The following SYN3 variants were observed in gnomAD, a reference collection of about 807,000 sequenced individuals.
SYN3 encodes the protein synapsin-3.
SYN3 carries 35 observed loss-of-function variants against 65.8 expected under a neutral mutation model. The ratio of observed to expected loss-of-function variants is 0.53; its 90% CI spans 0.41 to 0.70. SYN3 has a LOEUF of 0.70. Among genes scored for constraint, SYN3 ranks in the 30% least tolerant of loss-of-function variants. The pLI is 0.00. For missense variants in SYN3, 680 were observed against 749.0 expected, an observed-to-expected ratio of 0.91 and a Z score of 1.08; for synonymous variants, 270 against 292.9, an observed-to-expected ratio of 0.92 and a Z score of 0.80.
chr22:32,750,119 T>C (rs73407300), intron 6 of SYN3, among the ~76,000 whole-genome samples: 2,301 of 152,266 alleles, frequency 0.015, 66 homozygotes, highest in African/African-American at 0.049. Flanking sequence ...ATCGATGTGG[T>C]TGGAGACAGG....
chr22:32,884,035 A>G (rs1015257764), intron 4 of SYN3, among the ~76,000 whole-genome samples: 5 of 152,318 alleles, frequency 3.3e-5, no homozygotes, highest in African/African-American at 9.6e-5. Flanking sequence ...TCTAGCTGGG[A>G]CTTATTCTTT....
chr22:32,589,314 T>C (rs1855158282), intron 7 of SYN3, among the ~76,000 whole-genome samples: 1 of 152,226 alleles, frequency 6.6e-6, no homozygotes, highest in South Asian at 2.1e-4. Flanking sequence ...CATTGGTTAA[T>C]ACCACAGAAT....
intron 3 of SYN3, among the ~76,000 whole-genome samples, chr22:32,939,202 C>T (rs975186412): frequency 1.3e-5 from 2 of 151,970 alleles, no homozygotes; most frequent in African/African-American, 4.8e-5. Flanking sequence ...AGTTTATAAC[C>T]TGTAGAAGTA....
At chr22:32,954,547 C>G (rs777282168) in intron 3 of SYN3, among the ~76,000 whole-genome samples, 1 of 152,236 alleles carries the variant, frequency 6.6e-6, no homozygotes, top group Non-Finnish European at 1.5e-5. Context: ...CTGCCAAATG[C>G]TCTGCAAAGT....
At chr22:33,040,848 C>A (rs9609692) in intron 1 of SYN3, among the ~76,000 whole-genome samples, 27,574 of 152,016 alleles carry the variant, frequency 0.18, 2,823 homozygotes, top group East Asian at 0.41. Context: ...AAATTTCCTG[C>A]GGCCTCCCCA....
chr22:32,607,402 A>G (rs1442996319), intron 6 of SYN3, among the ~76,000 whole-genome samples: 1 of 152,020 alleles, frequency 6.6e-6, no homozygotes, highest in Admixed American at 6.6e-5. Context: ...ACCTCAGTCA[A>G]CGCTGCCACC....
chr22:32,814,210 CAAAG>C (rs1569245074), intron 6 of SYN3, among the ~76,000 whole-genome samples: 18 of 52,380 alleles, frequency 3.4e-4, no homozygotes, highest in East Asian at 2.0e-3. Context: ...AGAAAGAAAA[CAAAG>C]AAAGGAAAGA....
intron 3 of SYN3, among the ~76,000 whole-genome samples, chr22:32,945,520 C>T (rs545008051): frequency 2.0e-5 from 3 of 152,328 alleles, no homozygotes; most frequent in African/African-American, 4.8e-5. Context: ...CCCTTCCTTA[C>T]ACCTCATACA....
At chr22:32,590,142 T>C in intron 7 of SYN3, among the ~76,000 whole-genome samples, 1 of 152,236 alleles carries the variant, frequency 6.6e-6, no homozygotes, top group East Asian at 1.9e-4. Flanking sequence ...TCTCCATGAC[T>C]ATCCCTTCCG....
chr22:32,589,748 GT>G (rs1345513643), intron 7 of SYN3, among the ~76,000 whole-genome samples: 2 of 152,104 alleles, frequency 1.3e-5, no homozygotes, highest in Non-Finnish European at 2.9e-5. Context: ...AATCCTCCAT[GT>G]TTCTGAAGAT....
intron 3 of SYN3, among the ~76,000 whole-genome samples, chr22:32,940,675 T>C (rs1023501913): frequency 2.6e-4 from 39 of 152,242 alleles, no homozygotes; most frequent in African/African-American, 9.2e-4. Flanking sequence ...AGTCACTTCA[T>C]AGGTGGCAGT....
intron 6 of SYN3, among the ~76,000 whole-genome samples, chr22:32,718,265 C>T (rs1262354623): frequency 6.6e-6 from 1 of 152,088 alleles, no homozygotes; most frequent in Non-Finnish European, 1.5e-5. Context: ...TGCTGCCTTG[C>T]CCTCTCCATC....
intron 6 of SYN3, among the ~76,000 whole-genome samples, chr22:32,778,236 G>A (rs1326635633): frequency 6.6e-6 from 1 of 152,140 alleles, no homozygotes; most frequent in East Asian, 1.9e-4. Context: ...TGGGAGACAA[G>A]GCTATTCTCA....
intron 6 of SYN3, among the ~76,000 whole-genome samples, chr22:32,644,073 CA>C (rs1175308291): frequency 0.066 from 256 of 3,892 alleles, 1 homozygote; most frequent in Admixed American, 0.11. Context: ...GACTCTGCCT[CA>C]AAAAAAAAAA....
chr22:32,688,150 G>T (rs958000358), intron 6 of SYN3, among the ~76,000 whole-genome samples: 1 of 152,148 alleles, frequency 6.6e-6, no homozygotes, highest in Non-Finnish European at 1.5e-5. Context: ...CTATATACAT[G>T]TATCAACTCT....
intron 6 of SYN3, among the ~76,000 whole-genome samples, chr22:32,667,854 G>A (rs2060311176): frequency 3.0e-5 from 2 of 66,746 alleles, no homozygotes; most frequent in African/African-American, 1.2e-4. Flanking sequence ...CTGGAATGCA[G>A]TGGCGCCATC....
At chr22:32,799,701 A>G (rs2046515813) in intron 6 of SYN3, among the ~76,000 whole-genome samples, 1 of 152,144 alleles carries the variant, frequency 6.6e-6, no homozygotes. Context: ...AAATTCCACC[A>G]CGTATGCCCT....
rs71187216 is a variant in SYN3, at chr22:32,780,934, T to TTTCCTTCCTTCCTTCCTTCCTTCC, written c.711+83957_711+83980dup. On this transcript the variant is annotated intron_variant, in intron 6 of 13. Transcript: ENST00000358763. The stretch of plus-strand genomic sequence containing the variant: ...CTTGCTTCCTTCCTTCCTTCCTTCC[T>TTTCCTTCCTTCCTTCCTTCCTTCC]TTCCTTCCTTCCTTCCTTCCTTCCT... Among the ~76,000 whole-genome samples the TTTCCTTCCTTCCTTCCTTCCTTCC allele has an allele frequency of 1.6e-3, 136 of 82,660 alleles. 1 individual carries two copies. Among genetic ancestry groups the TTTCCTTCCTTCCTTCCTTCCTTCC allele is most frequent in the African/African-American group, 6.4e-3 (113 of 17,654 alleles). The allele number at this position is 82,660 out of a possible 152,430, so 54.2% of individuals were successfully genotyped here.
intron 6 of SYN3, among the ~76,000 whole-genome samples, chr22:32,661,234 C>G (rs1373950207): frequency 3.3e-5 from 5 of 152,368 alleles, no homozygotes; most frequent in Middle Eastern, 3.4e-3. Flanking sequence ...CAATTCCATT[C>G]AGACCCCTAC....
Sources: allele counts gnomAD v4.1 joint callset (sites outside exome capture counted in the v4.1 genomes callset), GRCh38; gene constraint gnomAD v4.1.1; transcripts MANE v1.5; gene names NCBI Gene and HGNC (gene_info 2026-07-23, HGNC 2026-07-21).